Variants in BAZ2B observed in about 807,000 individuals in gnomAD.
BAZ2B encodes the protein bromodomain adjacent to zinc finger domain 2B.
BAZ2B carries 91 observed loss-of-function variants against 246.0 expected under a neutral mutation model. The observed-to-expected ratio is 0.37, with a 90% CI of 0.31 to 0.44. BAZ2B has a LOEUF of 0.44. BAZ2B is among the 20% of genes least tolerant of loss of function. The pLI is 1.00. For missense variants in BAZ2B, 2,332 were observed against 2,533.7 expected, an observed-to-expected ratio of 0.92 and a Z score of 1.71; for synonymous variants, 855 against 860.0, an observed-to-expected ratio of 0.99 and a Z score of 0.10.
chr2:159,452,174 T>C (rs1430077998), intron 4 of BAZ2B, among the ~76,000 whole-genome samples: 1 of 150,888 alleles, frequency 6.6e-6, no homozygotes, highest in Admixed American at 6.6e-5. Flanking sequence ...ATTAAAGAAG[T>C]AATATGACTC....
intron 9 of BAZ2B, among the ~76,000 whole-genome samples, chr2:159,432,043 T>C (rs2071221717): frequency 1.3e-5 from 2 of 152,200 alleles, no homozygotes; most frequent in Admixed American, 1.3e-4. Context: ...ACAGACACTT[T>C]AAATTGTACA....
At chr2:159,528,756 T>A (rs997702289) in intron 2 of BAZ2B, among the ~76,000 whole-genome samples, 3 of 151,712 alleles carry the variant, frequency 2.0e-5, no homozygotes, top group African/African-American at 7.3e-5. Context: ...TATTAACCTC[T>A]AGTTAACCTG....
chr2:159,382,064 C>A (rs943060203), intron 25 of BAZ2B, among the ~76,000 whole-genome samples: 1 of 152,156 alleles, frequency 6.6e-6, no homozygotes, highest in Admixed American at 6.6e-5. Context: ...TTTCTTTTTG[C>A]AAATCCTTCT....
At chr2:159,490,705 AT>A (rs1483829522) in intron 2 of BAZ2B, among the ~76,000 whole-genome samples, 1 of 151,148 alleles carries the variant, frequency 6.6e-6, no homozygotes, top group Non-Finnish European at 1.5e-5. Context: ...TTTTATTTTT[AT>A]TTTTGAAGAG....
downstream of BAZ2B, among the ~76,000 whole-genome samples, chr2:159,317,435 T>C (rs757705433): frequency 6.6e-6 from 1 of 152,196 alleles, no homozygotes; most frequent in Non-Finnish European, 1.5e-5. Flanking sequence ...TTCTTTTGGG[T>C]TTTAGGTGTA....
intron 3 of BAZ2B, among the ~76,000 whole-genome samples, chr2:159,468,644 T>C (rs554202618): frequency 2.6e-5 from 4 of 152,196 alleles, no homozygotes; most frequent in African/African-American, 9.6e-5. Flanking sequence ...CACATAAAAC[T>C]TATGTGCCGC....
chr2:159,477,926 G>A (rs2078802223), intron 3 of BAZ2B, among the ~76,000 whole-genome samples: 1 of 152,148 alleles, frequency 6.6e-6, no homozygotes, highest in African/African-American at 2.4e-5. Context: ...GGGTTCAAGC[G>A]ATTCTCCTGC....
intron 31 of BAZ2B, among the ~76,000 whole-genome samples, chr2:159,341,080 G>T (rs558843328): frequency 1.3e-5 from 2 of 152,026 alleles, no homozygotes; most frequent in South Asian, 2.1e-4. Flanking sequence ...ACATAGACTG[G>T]CTGGATTAAA....
chr2:159,528,849 T>C (rs2085042961), intron 2 of BAZ2B, among the ~76,000 whole-genome samples: 2 of 151,206 alleles, frequency 1.3e-5, no homozygotes, highest in African/African-American at 2.4e-5. Flanking sequence ...GTCAAATAAG[T>C]TGGAGGTTCA....
the BAZ2B span, among the ~76,000 whole-genome samples, chr2:159,704,162 T>C: frequency 1.3e-5 from 2 of 152,162 alleles, no homozygotes; most frequent in South Asian, 2.1e-4. Flanking sequence ...GGATAAAAAA[T>C]ACGGTTATTT....
intron 2 of BAZ2B, among the ~76,000 whole-genome samples, chr2:159,493,087 C>A (rs2080679981): frequency 6.6e-6 from 1 of 152,132 alleles, no homozygotes; most frequent in African/African-American, 2.4e-5. Context: ...CAACTAGACA[C>A]AAAATCAGGT....
intron 2 of BAZ2B, among the ~76,000 whole-genome samples, chr2:159,546,145 G>A (rs952467104): frequency 6.6e-6 from 1 of 152,040 alleles, no homozygotes; most frequent in Non-Finnish European, 1.5e-5. Context: ...TAGTGATATG[G>A]TTTGGCTGCG....
At chr2:159,523,204 G>T (rs1486220234) in intron 2 of BAZ2B, among the ~76,000 whole-genome samples, 1 of 152,070 alleles carries the variant, frequency 6.6e-6, no homozygotes. Flanking sequence ...GGAGTTCTAG[G>T]CCAGCCTGGG....
rs760907722 is a variant in BAZ2B at position 159,412,371 on chromosome 2, C to T, written c.2641G>A (p.Ala881Thr). Reference sequence around the variant, plus strand: ...AGTTTTCTTAGCAACTTTGCATCTGCGTTATCTAGGAATTCAGCATTGCCA... The same window carrying T: ...AGTTTTCTTAGCAACTTTGCATCTGTGTTATCTAGGAATTCAGCATTGCCA... ...NVGNAEFLDN[A>T]DAKLLRKLQA... Residue 881 changes from alanine (A) to threonine (T), a missense_variant, in exon 14 of 37, where the codon GCA becomes ACA. Physicochemically the swap from Ala to Thr is moderately conservative, Grantham distance 58. This residue lies in a region of BAZ2B where 651 missense variants were observed against 650.9 expected (regional missense o/e 1.00). Transcript: ENST00000392783. The T allele has an allele frequency of 2.6e-5, 42 of 1,613,998 alleles. No individual in the cohort carries two copies. Among genetic ancestry groups the T allele is most frequent in the Non-Finnish European group, 3.1e-5 (37 of 1,180,018 alleles).
chr2:159,325,077 T>TAATA (rs1414108733), intron 35 of BAZ2B, 123 bp from the exon 36 acceptor site: 1 of 2,452 alleles, frequency 4.1e-4, no homozygotes, highest in African/African-American at 7.6e-4. Flanking sequence ...TATATATATA[T>TAATA]TATATATATA....
In BAZ2B at chr2:159,385,381, T is replaced by G. The variant is rs1262142202; in HGVS notation, c.3472-12A>C. 2 of 1,608,210 alleles carry G rather than the reference T, an allele frequency of 1.2e-6. No individual in the cohort carries two copies. The highest frequency in any genetic ancestry group is 3.3e-5 in the Admixed American group (2 of 59,832). On this transcript the variant is annotated splice_polypyrimidine_tract_variant and intron_variant, in intron 22 of 36. Transcript: ENST00000392783. ...AGAGCTGTTTTAGCCTATAAAAGTT[T>G]GGCATTTTTATCAGTATTACTCACA...
chr2:159,522,777 T>G (rs1323829172), intron 2 of BAZ2B, among the ~76,000 whole-genome samples: 1 of 152,070 alleles, frequency 6.6e-6, no homozygotes, highest in Non-Finnish European at 1.5e-5. Flanking sequence ...AAATTTCTAT[T>G]AAAATGTCAA....
the BAZ2B span, among the ~76,000 whole-genome samples, chr2:159,643,799 C>A: frequency 6.6e-6 from 1 of 150,844 alleles, no homozygotes; most frequent in Non-Finnish European, 1.5e-5. Context: ...TCGCTTGAAC[C>A]CAGGAGGCAG....
At chr2:159,653,836 C>T in the BAZ2B span, among the ~76,000 whole-genome samples, 1 of 152,062 alleles carries the variant, frequency 6.6e-6, no homozygotes, top group East Asian at 1.9e-4. Context: ...AGAAAATGTG[C>T]TTGTATCTTA....
Sources: gnomAD v4.1 joint callset for allele counts (sites outside exome capture counted in the v4.1 genomes callset) on GRCh38, gnomAD v4.1.1 for gene constraint, gnomAD v4.1.1 regional missense constraint, MANE v1.5 for transcripts, NCBI Gene and HGNC (gene_info 2026-07-23, HGNC 2026-07-21) for gene names.